The following GALNT18 variants were observed in gnomAD, a reference collection of about 807,000 sequenced individuals.
GALNT18 encodes GalNAc-transferase 18.
A neutral mutation model predicts 69.5 loss-of-function variants in GALNT18; 44 were observed. The observed-to-expected ratio is 0.63, with a 90% CI of 0.50 to 0.81. The LOEUF (loss-of-function observed/expected upper bound fraction) is 0.81, where lower values mean the gene tolerates loss of function less well. Ranked by LOEUF, GALNT18 falls within the 40% of genes least tolerant of loss-of-function variation. The probability of loss-of-function intolerance (pLI) is 0.00; values close to 1 mark genes in which losing one functional copy is unlikely to be tolerated. For synonymous variants in GALNT18, 364 were observed against 318.2 expected (o/e 1.14, Z -1.53); for missense variants, 715 against 810.0 (o/e 0.88, Z 1.42).
chr11:11,271,430 G>T, intron 10 of GALNT18, 140 bp from the exon 11 acceptor site: 1 of 803,822 alleles, frequency 1.2e-6, no homozygotes, highest in South Asian at 1.7e-5. Context: ...CCATGAAACT[G>T]CAGGCTCCCC....
intron 1 of GALNT18, among the ~76,000 whole-genome samples, chr11:11,536,313 G>C (rs78309933): frequency 6.6e-6 from 1 of 152,178 alleles, no homozygotes; most frequent in Non-Finnish European, 1.5e-5. Flanking sequence ...AATAGGACTG[G>C]ACTGGTTAGC....
chr11:11,580,870 T>C (rs1376970684), intron 1 of GALNT18, among the ~76,000 whole-genome samples: 1 of 152,234 alleles, frequency 6.6e-6, no homozygotes, highest in South Asian at 2.1e-4. Flanking sequence ...GGGTTATTTC[T>C]AACCTACCCT....
At chr11:11,364,582 T>C (rs1436276833) in intron 6 of GALNT18, among the ~76,000 whole-genome samples, 5 of 150,786 alleles carry the variant, frequency 3.3e-5, no homozygotes, top group Non-Finnish European at 1.5e-5. Flanking sequence ...AGAAAGATAT[T>C]CAGTAGATTA....
At chr11:11,401,926 G>T (rs953084937) in intron 3 of GALNT18, among the ~76,000 whole-genome samples, 1 of 152,236 alleles carries the variant, frequency 6.6e-6, no homozygotes, top group Non-Finnish European at 1.5e-5. Flanking sequence ...ACTAACTCTT[G>T]TTGAGAGTAA....
At chr11:11,508,007 G>A (rs1335406769) in intron 1 of GALNT18, among the ~76,000 whole-genome samples, 2 of 152,106 alleles carry the variant, frequency 1.3e-5, no homozygotes, top group African/African-American at 4.8e-5. Flanking sequence ...AGGTATGACG[G>A]CATTATTGTA....
In GALNT18 at chr11:11,330,985, G is replaced by C. The variant is rs571271672; in HGVS notation, c.1416+1709C>G. ...AGGCTTGGGGCCAATAGTTTCTCTG[G>C]AGCCACAGCAGCGTAACTCTCCTTT... On this transcript the variant is annotated intron_variant, in intron 8 of 10. Coordinates refer to ENST00000227756, the MANE Select transcript of GALNT18 (RefSeq NM_198516.3). Among the ~76,000 whole-genome samples, 150 of 152,268 alleles carry C rather than the reference G, an allele frequency of 9.9e-4. 2 individuals carry two copies. The highest frequency in any genetic ancestry group is 3.3e-3 in the African/African-American group (138 of 41,552).
At chr11:11,353,271 G>T in intron 6 of GALNT18, 1 of 850,154 alleles carries the variant, frequency 1.2e-6, no homozygotes, top group Non-Finnish European at 1.8e-6. Flanking sequence ...TCTCCCTTCT[G>T]CTCACACAGA....
rs1193022884 is a variant in GALNT18, at chr11:11,497,331, C to CAT, written c.236-48396_236-48395insAT. Among the ~76,000 whole-genome samples, 1 of 113,766 alleles carries CAT rather than the reference C, an allele frequency of 8.8e-6. No homozygotes were observed. The highest frequency in any genetic ancestry group is 1.9e-5 in the Non-Finnish European group (1 of 53,104). 74.6% of individuals were successfully genotyped at this position (113,766 alleles called of 152,430 possible). A position where few individuals can be genotyped will look rare whatever the true frequency, so the allele number is the denominator to read the frequency against. Reference sequence around the variant, plus strand: ...TATGTTTTACCTCCTGTCTCCAACACACACACACACACACACACACACACA... The same window carrying CAT: ...TATGTTTTACCTCCTGTCTCCAACACATACACACACACACACACACACACACA... On this transcript the variant is annotated intron_variant, in intron 1 of 10. Coordinates refer to ENST00000227756, the MANE Select transcript of GALNT18 (RefSeq NM_198516.3). The surrounding 1 kb of genome is among the most constrained non-coding windows in gnomAD (Gnocchi z 4.2).
intron 6 of GALNT18, among the ~76,000 whole-genome samples, chr11:11,342,850 G>A (rs1850234060): frequency 6.6e-6 from 1 of 152,158 alleles, no homozygotes; most frequent in Non-Finnish European, 1.5e-5. Flanking sequence ...TCCTCTCCAT[G>A]GGGATCATGA....
chr11:11,531,221 G>C (rs1223425839), intron 1 of GALNT18, among the ~76,000 whole-genome samples: 1 of 152,168 alleles, frequency 6.6e-6, no homozygotes, highest in African/African-American at 2.4e-5. Context: ...ATTCTCATAA[G>C]CAACTGAGGC....
At chr11:11,473,555 T>C (rs956979009) in intron 1 of GALNT18, among the ~76,000 whole-genome samples, 1 of 152,158 alleles carries the variant, frequency 6.6e-6, no homozygotes, top group Non-Finnish European at 1.5e-5. Context: ...GTGCAGACGG[T>C]GCAGAGTGAA....
intron 9 of GALNT18, among the ~76,000 whole-genome samples, chr11:11,296,691 T>C (rs2133010637): frequency 6.6e-6 from 1 of 152,364 alleles, no homozygotes. Context: ...GTGCACTTAC[T>C]ATCTGGTACA....
chr11:11,364,107 T>TA (rs34617493), intron 6 of GALNT18, among the ~76,000 whole-genome samples: 17,342 of 152,270 alleles, frequency 0.11, 1,337 homozygotes, highest in African/African-American at 0.22. Flanking sequence ...TGAAAGCTAT[T>TA]ATAGAAAGAA....
At chr11:11,534,003 G>A (rs1448299540) in intron 1 of GALNT18, among the ~76,000 whole-genome samples, 2 of 152,192 alleles carry the variant, frequency 1.3e-5, no homozygotes, top group African/African-American at 4.8e-5. Flanking sequence ...CTATGTGCCA[G>A]CACTATGCAT....
At chr11:11,285,580 T>C (rs1390291982) in intron 10 of GALNT18, among the ~76,000 whole-genome samples, 3 of 152,196 alleles carry the variant, frequency 2.0e-5, no homozygotes, top group African/African-American at 7.2e-5. Flanking sequence ...ATCCAAGGCC[T>C]AAACGAAGCT....
rs1481132782 is a variant in GALNT18, at chr11:11,293,062, G to A, written c.1644C>T (p.Ala548=). Residue 548 remains alanine (A), a synonymous_variant, in exon 10 of 11, where the codon GCC becomes GCT. Transcript: ENST00000227756. ...PRLIECSYAK[A]KRMKLHWQFS... ...ACTGCCAGTGAAGCTTCATCCTCTT[G>A]GCTTTGGCGTAGCTGCATTCGATGA... 14 of 1,389,222 alleles carry A rather than the reference G, an allele frequency of 1.0e-5. No individual in the cohort carries two copies. Among genetic ancestry groups the A allele is most frequent in the Non-Finnish European group, 1.1e-5 (12 of 1,063,026 alleles). 86.1% of individuals were successfully genotyped at this position (1,389,222 alleles called of 1,614,324 possible). A position where few individuals can be genotyped will look rare whatever the true frequency, so the allele number is the denominator to read the frequency against.
rs529606731 is a variant in GALNT18 at position 11,604,144 on chromosome 11, A to G, written c.235+17215T>C. On this transcript the variant is annotated intron_variant, in intron 1 of 10. Coordinates refer to ENST00000227756, the MANE Select transcript of GALNT18 (RefSeq NM_198516.3). The surrounding 1 kb of genome is among the most constrained non-coding windows in gnomAD (Gnocchi z 5.6). ...CTTCCCAGCCTCCAGAACTGTGAGG[A>G]AATAAGTGTCTGTTATTAATACACC... is the stretch of plus-strand genomic sequence containing the variant. Among the ~76,000 whole-genome samples the G allele has an allele frequency of 1.3e-5, 2 of 152,356 alleles. No homozygotes were observed. Among genetic ancestry groups the G allele is most frequent in the East Asian group, 3.9e-4 (2 of 5,188 alleles).
intron 3 of GALNT18, among the ~76,000 whole-genome samples, chr11:11,414,335 C>T (rs980864486): frequency 1.3e-5 from 2 of 152,182 alleles, no homozygotes; most frequent in Non-Finnish European, 2.9e-5. Context: ...TCTAAAAAGT[C>T]CCACATGACA....
intron 9 of GALNT18, among the ~76,000 whole-genome samples, chr11:11,296,931 G>T (rs1849412724): frequency 6.6e-6 from 1 of 152,192 alleles, no homozygotes; most frequent in African/African-American, 2.4e-5. Flanking sequence ...CAAAAAAGGT[G>T]TTCAAGATGC....
Sources: allele counts gnomAD v4.1 joint callset (sites outside exome capture counted in the v4.1 genomes callset), GRCh38; gene constraint gnomAD v4.1.1; non-coding constraint Gnocchi (gnomAD v3.1); transcripts MANE v1.5; gene names NCBI Gene and HGNC (gene_info 2026-07-23, HGNC 2026-07-21).